Variants in PTPRT observed in about 807,000 individuals in gnomAD.
PTPRT encodes the protein receptor-type tyrosine-protein phosphatase T.
A neutral mutation model predicts 176.8 loss-of-function variants in PTPRT; 56 were observed. That is an observed-to-expected ratio of 0.32 (90% CI 0.26 to 0.40). The LOEUF (loss-of-function observed/expected upper bound fraction) is 0.40, where lower values mean the gene tolerates loss of function less well. Ranked by LOEUF, PTPRT falls within the 10% of genes least tolerant of loss-of-function variation. PTPRT has a pLI of 1.00. For synonymous variants in PTPRT, 783 were observed against 739.0 expected (o/e 1.06, Z -0.96); for missense variants, 1,540 against 1,908.2 (o/e 0.81, Z 3.60).
chr20:43,170,176 G>A (rs6103180), intron 1 of PTPRT, among the ~76,000 whole-genome samples: 3 of 130,772 alleles, frequency 2.3e-5, no homozygotes, highest in East Asian at 2.6e-4. Context: ...ATATATATAC[G>A]GGGGAAATTC....
chr20:43,070,365 A>T (rs1205724414), intron 1 of PTPRT, among the ~76,000 whole-genome samples: 2 of 152,210 alleles, frequency 1.3e-5, no homozygotes, highest in African/African-American at 2.4e-5. Flanking sequence ...GAACACTTTT[A>T]CACTGTTGGT....
At chr20:42,168,576 C>T (rs1168635210) in intron 16 of PTPRT, among the ~76,000 whole-genome samples, 3 of 152,200 alleles carry the variant, frequency 2.0e-5, no homozygotes, top group Non-Finnish European at 4.4e-5. Flanking sequence ...ATTATTGCAG[C>T]AGCACACATC....
At chr20:42,894,707 C>T (rs904847785) in intron 1 of PTPRT, among the ~76,000 whole-genome samples, 1 of 152,140 alleles carries the variant, frequency 6.6e-6, no homozygotes, top group Non-Finnish European at 1.5e-5. Context: ...ACAGTTCTTC[C>T]CCAATCCCTG....
At chr20:42,810,516 C>T (rs2077684059) in intron 2 of PTPRT, among the ~76,000 whole-genome samples, 1 of 152,102 alleles carries the variant, frequency 6.6e-6, no homozygotes, top group African/African-American at 2.4e-5. Flanking sequence ...GTTCATGCAG[C>T]GTAACACAAA....
intron 12 of PTPRT, among the ~76,000 whole-genome samples, chr20:42,292,071 A>G (rs1237814840): frequency 6.6e-6 from 1 of 152,054 alleles, no homozygotes; most frequent in African/African-American, 2.4e-5. Flanking sequence ...CTACCTTTGG[A>G]AAGCATATTT....
chr20:42,779,427 A>G (rs2077183006), intron 4 of PTPRT, among the ~76,000 whole-genome samples: 1 of 152,128 alleles, frequency 6.6e-6, no homozygotes, highest in Admixed American at 6.5e-5. Flanking sequence ...CAGAACACTA[A>G]CAAACTCATG....
At chr20:42,293,895 T>A (rs2057351747) in intron 12 of PTPRT, among the ~76,000 whole-genome samples, 1 of 152,144 alleles carries the variant, frequency 6.6e-6, no homozygotes, top group Admixed American at 6.5e-5. Context: ...TGGATCTGGG[T>A]AGTTGAAGAA....
chr20:42,331,788 C>T (rs941850502), intron 11 of PTPRT, among the ~76,000 whole-genome samples: 1 of 152,072 alleles, frequency 6.6e-6, no homozygotes, highest in Non-Finnish European at 1.5e-5. Context: ...ACAGGTTCAC[C>T]GTGATATTCT....
chr20:42,975,926 CAAAA>C (rs528308755), intron 1 of PTPRT, among the ~76,000 whole-genome samples: 1 of 142,100 alleles, frequency 7.0e-6, no homozygotes, highest in Non-Finnish European at 1.6e-5. Context: ...ACCCCCCCAC[CAAAA>C]AAAAAAAAGA....
chr20:42,757,799 T>G (rs2076857219), intron 5 of PTPRT, among the ~76,000 whole-genome samples: 1 of 152,234 alleles, frequency 6.6e-6, no homozygotes, highest in Admixed American at 6.5e-5. Flanking sequence ...ATCCTGAGTT[T>G]GAACAAACCT....
intron 7 of PTPRT, among the ~76,000 whole-genome samples, chr20:42,500,075 A>C (rs1254752339): frequency 6.6e-6 from 1 of 152,066 alleles, no homozygotes; most frequent in Admixed American, 6.6e-5. Flanking sequence ...TAACTTACCT[A>C]GGTCTTTTAA....
intron 4 of PTPRT, 89 bp from the exon 5 acceptor site, chr20:42,771,639 T>C: frequency 2.0e-6 from 2 of 1,014,950 alleles, no homozygotes; most frequent in Non-Finnish European, 1.6e-6. Context: ...GGATGGGCAC[T>C]GGGCAGGGTG....
intron 12 of PTPRT, among the ~76,000 whole-genome samples, chr20:42,288,189 C>A (rs917264914): frequency 6.6e-6 from 1 of 151,912 alleles, no homozygotes; most frequent in Non-Finnish European, 1.5e-5. Flanking sequence ...ATGACCAGCA[C>A]CCAGATCAAA....
intron 7 of PTPRT, among the ~76,000 whole-genome samples, chr20:42,592,858 G>A (rs1377059007): frequency 6.6e-6 from 1 of 152,202 alleles, no homozygotes; most frequent in Admixed American, 6.5e-5. Flanking sequence ...CCATTTAGCT[G>A]ACAGGAGAGG....
At chr20:43,155,876 A>C (rs1462544294) in intron 1 of PTPRT, among the ~76,000 whole-genome samples, 1 of 152,202 alleles carries the variant, frequency 6.6e-6, no homozygotes, top group Non-Finnish European at 1.5e-5. Flanking sequence ...CTCACTCTTC[A>C]GAAATTAGCA....
At chr20:42,457,404 T>A (rs2070942640) in intron 8 of PTPRT, among the ~76,000 whole-genome samples, 1 of 152,224 alleles carries the variant, frequency 6.6e-6, no homozygotes, top group Non-Finnish European at 1.5e-5. Context: ...GTTTTGTTTT[T>A]AAAAATCTTG....
intron 7 of PTPRT, among the ~76,000 whole-genome samples, chr20:42,541,966 G>A (rs1238923314): frequency 6.6e-6 from 1 of 152,084 alleles, no homozygotes; most frequent in Non-Finnish European, 1.5e-5. Context: ...GTCATGGGAC[G>A]GACCTGATGG....
intron 15 of PTPRT, among the ~76,000 whole-genome samples, chr20:42,212,302 AAAAAAAAAAAAAAGAC>A (rs548406896): frequency 0.012 from 878 of 76,184 alleles, 5 homozygotes; most frequent in Non-Finnish European, 0.015. Flanking sequence ...CTTAAAGTAT[AAAAAAAAAAAAAAGAC>A]AAAAAAAAAA....
intron 1 of PTPRT, among the ~76,000 whole-genome samples, chr20:42,995,734 G>A (rs1420117408): frequency 6.6e-6 from 1 of 152,106 alleles, no homozygotes; most frequent in Admixed American, 6.6e-5. Flanking sequence ...AAAAGCAAGA[G>A]CCTCTTGTTT....
Sources: allele counts gnomAD v4.1 joint callset (sites outside exome capture counted in the v4.1 genomes callset), GRCh38; gene constraint gnomAD v4.1.1; transcripts MANE v1.5; gene names NCBI Gene and HGNC (gene_info 2026-07-23, HGNC 2026-07-21).